The following GNA14 variants were observed in gnomAD, a reference collection of about 807,000 sequenced individuals.
GNA14 encodes the protein guanine nucleotide-binding protein subunit alpha-14.
In GNA14, 50 loss-of-function variants were observed where a neutral mutation model predicts 42.0. That is an observed-to-expected ratio of 1.19 (90% confidence interval 0.95 to 1.51). The LOEUF is 1.51. Ranked by LOEUF, GNA14 falls within the 40% of genes most tolerant of loss-of-function variation. The probability of loss-of-function intolerance (pLI) is 0.00; values close to 1 mark genes in which losing one functional copy is unlikely to be tolerated. For missense variants in GNA14, 473 were observed against 446.2 expected (o/e 1.06, Z -0.54); for synonymous variants, 173 against 163.1 (o/e 1.06, Z -0.46).
At chr9:77,638,175 A>G (rs1047374949) in intron 1 of GNA14, among the ~76,000 whole-genome samples, 6 of 152,212 alleles carry the variant, frequency 3.9e-5, no homozygotes, top group African/African-American at 1.2e-4. Context: ...ACACTGTACC[A>G]TCCAGTCATT....
chr9:77,585,250 C>T (rs907797416), intron 1 of GNA14, among the ~76,000 whole-genome samples: 1 of 152,126 alleles, frequency 6.6e-6, no homozygotes, highest in Non-Finnish European at 1.5e-5. Flanking sequence ...TATCCCATCC[C>T]AAAATATTCC....
At chr9:77,560,286 CTTTT>C (rs770870060) in intron 1 of GNA14, among the ~76,000 whole-genome samples, 103 of 119,536 alleles carry the variant, frequency 8.6e-4, no homozygotes, top group Non-Finnish European at 5.6e-4. Context: ...CCTCTCCAGT[CTTTT>C]TTTTTTTTTT....
chr9:77,474,431 C>A (rs1341855823), intron 2 of GNA14, among the ~76,000 whole-genome samples: 1 of 151,834 alleles, frequency 6.6e-6, no homozygotes, highest in African/African-American at 2.4e-5. Flanking sequence ...CCAGGAAACA[C>A]AAATCAAAAC....
chr9:77,630,387 G>A (rs1824079120), intron 1 of GNA14, among the ~76,000 whole-genome samples: 1 of 152,102 alleles, frequency 6.6e-6, no homozygotes, highest in East Asian at 1.9e-4. Flanking sequence ...TCAAGTGCTA[G>A]GACTACAGAC....
chr9:77,444,519 G>T (rs1359926953), intron 2 of GNA14, among the ~76,000 whole-genome samples: 1 of 152,178 alleles, frequency 6.6e-6, no homozygotes, highest in Non-Finnish European at 1.5e-5. Context: ...CGTGGGTTCT[G>T]CTTTGTCTTT....
At chr9:77,494,972 G>A (rs1411432021) in intron 2 of GNA14, among the ~76,000 whole-genome samples, 2 of 152,126 alleles carry the variant, frequency 1.3e-5, no homozygotes, top group Non-Finnish European at 2.9e-5. Context: ...GCTAATTTTT[G>A]TATTTTTAGT....
intron 2 of GNA14, among the ~76,000 whole-genome samples, chr9:77,502,607 A>G (rs1836993694): frequency 6.6e-6 from 1 of 151,946 alleles, no homozygotes; most frequent in Non-Finnish European, 1.5e-5. Context: ...GGCCTTGTTA[A>G]TGTTGTCCAG....
At chr9:77,540,937 T>C (rs1257129832) in intron 1 of GNA14, among the ~76,000 whole-genome samples, 1 of 152,172 alleles carries the variant, frequency 6.6e-6, no homozygotes, top group African/African-American at 2.4e-5. Context: ...AAGTGGATGA[T>C]TTAATCCGTT....
At chr9:77,627,736 C>G (rs900890244) in intron 1 of GNA14, among the ~76,000 whole-genome samples, 1 of 152,082 alleles carries the variant, frequency 6.6e-6, no homozygotes, top group Non-Finnish European at 1.5e-5. Flanking sequence ...ATTGATGGAA[C>G]GTATCTCAAA....
Position 77,644,461 on chromosome 9 carries a change from AAAAG to A in GNA14, c.124+3205_124+3208del, listed in dbSNP as rs1202327913. 3.0e-3 allele frequency among the ~76,000 whole-genome samples: 456 copies of A among 149,856 alleles called. 6 individuals are homozygous for A. The highest frequency in any genetic ancestry group is 0.011 in the African/African-American group (433 of 40,348). ...TCAAAAAAAAAAAAAAAAAAAAAAA[AAAAG>A]ACACAGGAATGTGCATGCCCAGAAG... On this transcript the variant is annotated intron_variant, in intron 1 of 6. Transcript: ENST00000341700.
intron 1 of GNA14, among the ~76,000 whole-genome samples, chr9:77,532,405 T>C (rs747911948): frequency 1.3e-5 from 2 of 152,180 alleles, no homozygotes; most frequent in Non-Finnish European, 2.9e-5. Context: ...CTGCTATAAA[T>C]AAGATGGTCC....
chr9:77,600,539 C>G lies in GNA14; in HGVS notation c.124+47131G>C, dbSNP rs908553912. ...TCTCTAATGTGTGTCACATGGCACC[C>G]CGGCGTTGGCAAAACCATACTCGGT... On this transcript the variant is annotated intron_variant, in intron 1 of 6. Coordinates refer to ENST00000341700, the MANE Select transcript of GNA14 (RefSeq NM_004297.4). Among the ~76,000 whole-genome samples, 3 of 152,284 alleles carry G rather than the reference C, an allele frequency of 2.0e-5. No individual in the cohort carries two copies. In the East Asian group the frequency reaches 5.8e-4, roughly 29 times the overall value.
rs1401641195 is a variant in GNA14, at chr9:77,529,171, C to T, written c.207G>A (p.Lys69=). ...TTTGGTAAACCAGCTTCGTGAACCC[C>T]TTTCTGTCTTCGTCGCTGTAACCAG... ...HGSGYSDEDR[K]GFTKLVYQNI... is the part of the protein sequence containing the mutation. The change falls in exon 2 of 7, where the codon AAG becomes AAA. Residue 69 remains lysine (K), a synonymous_variant. Transcript: ENST00000341700. The T allele has an allele frequency of 1.2e-6, 2 of 1,614,008 alleles. No individual in the cohort carries two copies. Among genetic ancestry groups the T allele is most frequent in the Non-Finnish European group, 1.7e-6 (2 of 1,179,880 alleles).
At chr9:77,489,242 A>C (rs1170414281) in intron 2 of GNA14, among the ~76,000 whole-genome samples, 3 of 152,194 alleles carry the variant, frequency 2.0e-5, no homozygotes, top group African/African-American at 7.2e-5. Flanking sequence ...AAAAAAAAGA[A>C]AATAATGAAA....
chr9:77,569,666 G>C lies in GNA14; in HGVS notation c.125-40413C>G, dbSNP rs141633816. Among the ~76,000 whole-genome samples the C allele has an allele frequency of 5.1e-4, 78 of 152,260 alleles. 1 individual carries two copies. The East Asian group carries it at 0.015, about 29-fold the overall frequency. On this transcript the variant is annotated intron_variant, in intron 1 of 6. Coordinates refer to ENST00000341700, the MANE Select transcript of GNA14 (RefSeq NM_004297.4). ...ATGTGGGGGCTTTGGTTTCTCCCCC[G>C]GGTTCAATATTTCAGGGGCTGTGTC...
At chr9:77,503,502 C>T (rs994193003) in intron 2 of GNA14, among the ~76,000 whole-genome samples, 6 of 152,180 alleles carry the variant, frequency 3.9e-5, no homozygotes, top group African/African-American at 1.2e-4. Context: ...TCAGAAACTA[C>T]GTGATGTTCA....
In GNA14 at chr9:77,483,790, A is replaced by C. The variant is rs540070340; in HGVS notation, c.309+45279T>G. Among the ~76,000 whole-genome samples, 33 of 152,326 alleles carry C rather than the reference A, an allele frequency of 2.2e-4. No individual in the cohort carries two copies. In the East Asian group the frequency reaches 4.4e-3, roughly 20 times the overall value. The stretch of plus-strand genomic sequence containing the variant: ...TGGAGGACCCAGCATAATGAATGGG[A>C]AATAACCCACCTCAATAACCGTAGG... On this transcript the variant is annotated intron_variant, in intron 2 of 6. Transcript: ENST00000341700.
intron 2 of GNA14, among the ~76,000 whole-genome samples, chr9:77,444,864 G>C (rs925252539): frequency 8.5e-5 from 13 of 152,192 alleles, no homozygotes; most frequent in Non-Finnish European, 4.4e-5. Flanking sequence ...CCCACACTCA[G>C]CTGGGCACCA....
At chr9:77,486,388 A>T (rs1446519811) in intron 2 of GNA14, among the ~76,000 whole-genome samples, 1 of 152,184 alleles carries the variant, frequency 6.6e-6, no homozygotes, top group East Asian at 1.9e-4. Flanking sequence ...CAGCTGTTTG[A>T]TCTTCTATCC....
Sources: gnomAD v4.1 joint callset for allele counts (sites outside exome capture counted in the v4.1 genomes callset) on GRCh38, gnomAD v4.1.1 for gene constraint, MANE v1.5 for transcripts, NCBI Gene and HGNC (gene_info 2026-07-23, HGNC 2026-07-21) for gene names.